The following GSE1 variants were observed in gnomAD, a reference collection of about 807,000 sequenced individuals.
GSE1 encodes Gse1 coiled-coil protein.
Under a neutral mutation model 112.6 loss-of-function variants are expected in GSE1, and 32 were observed. That is an observed-to-expected ratio of 0.28 (90% CI 0.21 to 0.38). GSE1 has a LOEUF of 0.38. GSE1 is among the 10% of genes least tolerant of loss of function. The pLI, the probability that GSE1 is intolerant of heterozygous loss-of-function variation, is 1.00. For missense variants in GSE1, 2,348 were observed against 1,699.2 expected, an observed-to-expected ratio of 1.38 and a Z score of -6.71; for synonymous variants, 1,115 against 735.6, an observed-to-expected ratio of 1.52 and a Z score of -8.35.
intron 2 of GSE1, among the ~76,000 whole-genome samples, chr16:85,447,509 C>T (rs185649187): frequency 5.3e-5 from 8 of 152,224 alleles, no homozygotes; most frequent in Non-Finnish European, 7.3e-5. Context: ...AGGTTGGCTA[C>T]GGAGCTGGCT....
At chr16:85,213,179 G>A (rs1488744226) in intron 1 of GSE1, among the ~76,000 whole-genome samples, 1 of 151,152 alleles carries the variant, frequency 6.6e-6, no homozygotes, top group African/African-American at 2.4e-5. Flanking sequence ...TGAGGCAGGG[G>A]AATCTCTTGA....
intron 2 of GSE1, among the ~76,000 whole-genome samples, chr16:85,399,254 C>G (rs529463457): frequency 1.8e-4 from 28 of 152,246 alleles, no homozygotes; most frequent in African/African-American, 6.5e-4. Context: ...ACCCTGCACC[C>G]ATGGTAGGCT....
chr16:85,623,190 T>C (rs940048511), intron 1 of GSE1, among the ~76,000 whole-genome samples: 5 of 151,014 alleles, frequency 3.3e-5, no homozygotes, highest in African/African-American at 1.2e-4. Flanking sequence ...GGTTGAAGGG[T>C]AAAAGGCTGG....
chr16:85,658,521 T>C (rs1229908835), intron 8 of GSE1, among the ~76,000 whole-genome samples: 1 of 152,192 alleles, frequency 6.6e-6, no homozygotes, highest in Non-Finnish European at 1.5e-5. Flanking sequence ...TGGTTTAAAA[T>C]CTGTCCTCCC....
intron 4 of GSE1, 136 bp downstream of exon 4, chr16:85,654,586 G>A (rs1350828514): frequency 1.2e-6 from 1 of 818,548 alleles, no homozygotes; most frequent in African/African-American, 1.7e-5. Context: ...TGAGCCCTGG[G>A]GATTGCAGCC....
At chr16:85,318,504 A>T (rs2046032348) in intron 1 of GSE1, among the ~76,000 whole-genome samples, 1 of 152,144 alleles carries the variant, frequency 6.6e-6, no homozygotes. Context: ...GGATCAAATG[A>T]TATTCCCTCC....
intron 1 of GSE1, among the ~76,000 whole-genome samples, chr16:85,255,908 A>G (rs1907026990): frequency 6.8e-6 from 1 of 146,028 alleles, no homozygotes. Flanking sequence ...GGCTGGTCTC[A>G]AACTCCTGGG....
At chr16:85,535,882 A>C (rs113657067) in intron 2 of GSE1, among the ~76,000 whole-genome samples, 2 of 152,050 alleles carry the variant, frequency 1.3e-5, no homozygotes, top group Non-Finnish European at 2.9e-5. Context: ...CCCTACCTCT[A>C]CCTCATGTGG....
chr16:85,576,097 C>T (rs1040678703), intron 1 of GSE1, among the ~76,000 whole-genome samples: 2 of 152,126 alleles, frequency 1.3e-5, no homozygotes, highest in South Asian at 2.1e-4. Flanking sequence ...CCAGGAATAC[C>T]GGTGCCCTTT....
At chr16:85,477,278 G>A (rs998645456) in intron 2 of GSE1, among the ~76,000 whole-genome samples, 2 of 152,140 alleles carry the variant, frequency 1.3e-5, no homozygotes, top group African/African-American at 2.4e-5. Flanking sequence ...AGCCTGTCCC[G>A]GGTGCCCAAA....
rs138354377 is a variant in GSE1 at position 85,674,420 on chromosome 16, G to C, written c.*1881G>C. On this transcript the variant is annotated 3_prime_UTR_variant, in exon 16 of 16. Coordinates refer to ENST00000253458, the MANE Select transcript of GSE1 (RefSeq NM_014615.5). ...GGAAGAGAACTCGAGGGGCTGTGCT[G>C]CAGGCCTCCCCTCGAAAGACACTGG... 6.6e-6 allele frequency: 1 copy of C among 151,360 alleles called. No homozygotes were observed. Among genetic ancestry groups the C allele is most frequent in the Non-Finnish European group, 1.5e-5 (1 of 68,056 alleles). 9.4% of individuals were successfully genotyped at this position (151,360 alleles called of 1,614,324 possible).
chr16:85,604,919 G>A (rs1413407397), intron 1 of GSE1, among the ~76,000 whole-genome samples: 8 of 121,012 alleles, frequency 6.6e-5, no homozygotes, highest in African/African-American at 2.0e-4. Context: ...CCGGGTTCAC[G>A]CCATTCTCCT....
intron 1 of GSE1, among the ~76,000 whole-genome samples, chr16:85,203,722 C>G (rs1339164123): frequency 6.6e-6 from 1 of 152,154 alleles, no homozygotes; most frequent in East Asian, 1.9e-4. Context: ...GTGCGGCCAC[C>G]ACCATAGTCA....
chr16:85,468,312 C>CTTTT lies in GSE1; in HGVS notation c.2464+110688_2464+110691dup, dbSNP rs55873035. On this transcript the variant is annotated intron_variant, in intron 2 of 2. Coordinates refer to the GSE1 transcript ENST00000637419. ...CTTCTTCTTGTAGGGCCCTTCTTTC[C>CTTTT]TTTTTTTTTTTTTTTTTTTTTTGAG... Among the ~76,000 whole-genome samples the CTTTT allele has an allele frequency of 5.0e-4, 58 of 116,698 alleles. No homozygotes were observed. The East Asian group carries it at 0.011, about 22-fold the overall frequency. 76.6% of individuals were successfully genotyped at this position (116,698 alleles called of 152,430 possible).
intron 1 of GSE1, among the ~76,000 whole-genome samples, chr16:85,559,454 C>G (rs1402298071): frequency 6.6e-6 from 1 of 152,262 alleles, no homozygotes. Flanking sequence ...AGAGGCCTGA[C>G]ACCATGGTGC....
In GSE1 at chr16:85,674,966, ATAAAC is replaced by A. The variant is rs1323486574; in HGVS notation, c.*2431_*2435del. 6.5e-6 allele frequency: 1 copy of A among 152,678 alleles called. No individual in the cohort carries two copies. The highest frequency in any genetic ancestry group is 1.5e-5 in the Non-Finnish European group (1 of 68,058). The allele number at this position is 152,678 out of a possible 1,614,324, so 9.5% of individuals were successfully genotyped here. ...AATACAAACCAGTAAGGCAACACGA[ATAAAC>A]TAAGAAAAAGGTAAGAACTGTCTCA... On this transcript the variant is annotated 3_prime_UTR_variant, in exon 16 of 16. Transcript: ENST00000253458.
intron 2 of GSE1, chr16:85,490,228 T>A (rs1292975140): frequency 1.3e-5 from 2 of 152,110 alleles, no homozygotes; most frequent in African/African-American, 2.4e-5. Context: ...TTTTCTGTGT[T>A]CCCTGGAGGA....
intron 2 of GSE1, among the ~76,000 whole-genome samples, chr16:85,407,895 AG>A (rs200347662): frequency 1.8e-4 from 5 of 28,186 alleles, no homozygotes; most frequent in Admixed American, 9.4e-4. Context: ...CGTTACACTC[AG>A]GGCCCCCCTG....
chr16:85,364,736 T>A (rs1052481711), intron 2 of GSE1, among the ~76,000 whole-genome samples: 14 of 151,856 alleles, frequency 9.2e-5, no homozygotes, highest in Non-Finnish European at 1.9e-4. Flanking sequence ...CCTGCCCACT[T>A]CCCGTTGGCC....
Sources: allele counts gnomAD v4.1 joint callset (sites outside exome capture counted in the v4.1 genomes callset), GRCh38; gene constraint gnomAD v4.1.1; transcripts MANE v1.5; gene names NCBI Gene and HGNC (gene_info 2026-07-23, HGNC 2026-07-21).